CD109: variants seen among roughly 807,000 people sequenced by gnomAD.
The protein encoded by CD109 is CD109 molecule, also known as CD109 antigen.
Under a neutral mutation model 165.8 loss-of-function variants are expected in CD109, and 149 were observed. That is an observed-to-expected ratio of 0.90 (90% CI 0.79 to 1.03). The LOEUF (loss-of-function observed/expected upper bound fraction) is 1.03. CD109 is among the 50% of genes least tolerant of loss of function. CD109 has a pLI of 0.00. For synonymous variants in CD109, 585 were observed against 592.1 expected, an observed-to-expected ratio of 0.99 and a Z score of 0.18; for missense variants, 1,712 against 1,677.8, an observed-to-expected ratio of 1.02 and a Z score of -0.36.
At chr6:73,743,220 C>G (rs993709173) in intron 5 of CD109, among the ~76,000 whole-genome samples, 2 of 152,206 alleles carry the variant, frequency 1.3e-5, no homozygotes, top group African/African-American at 4.8e-5. Context: ...GCACAGCCAG[C>G]TTGGGAACCA....
intron 23 of CD109, among the ~76,000 whole-genome samples, chr6:73,798,158 A>G (rs530886560): frequency 4.8e-5 from 7 of 147,264 alleles, no homozygotes; most frequent in African/African-American, 1.8e-4. Flanking sequence ...TCTGTCATCC[A>G]GTCTGGAGTA....
intron 15 of CD109, among the ~76,000 whole-genome samples, chr6:73,774,426 T>C (rs1223030185): frequency 6.6e-6 from 1 of 152,162 alleles, no homozygotes; most frequent in Non-Finnish European, 1.5e-5. Context: ...TCTTAAACCC[T>C]TGGGGAAAAG....
intron 32 of CD109, among the ~76,000 whole-genome samples, chr6:73,823,217 C>G (rs1197356933): frequency 6.6e-6 from 1 of 152,182 alleles, no homozygotes; most frequent in Non-Finnish European, 1.5e-5. Context: ...TATTTGCTCT[C>G]TTTTAATGCT....
At chr6:73,729,337 T>A (rs778119601) in intron 3 of CD109, among the ~76,000 whole-genome samples, 117 of 116,118 alleles carry the variant, frequency 1.0e-3, no homozygotes, top group Middle Eastern at 4.2e-3. Context: ...CACATCAAAG[T>A]GTGTGTGTGT....
At chr6:73,730,836 G>A (rs1385169798) in intron 4 of CD109, among the ~76,000 whole-genome samples, 1 of 152,140 alleles carries the variant, frequency 6.6e-6, no homozygotes, top group African/African-American at 2.4e-5. Flanking sequence ...TTAAACTTCT[G>A]TGTTCCAGGC....
At chr6:73,705,001 C>T (rs1489206432) in intron 2 of CD109, among the ~76,000 whole-genome samples, 1 of 152,112 alleles carries the variant, frequency 6.6e-6, no homozygotes, top group African/African-American at 2.4e-5. Context: ...CATATTTGGC[C>T]TTTGGAGGGA....
intron 5 of CD109, among the ~76,000 whole-genome samples, chr6:73,745,665 G>A (rs1772957331): frequency 6.6e-6 from 1 of 152,150 alleles, no homozygotes; most frequent in African/African-American, 2.4e-5. Flanking sequence ...TACTATTAAG[G>A]ATTAGGCTGC....
the CD109 span, among the ~76,000 whole-genome samples, chr6:73,680,479 T>C: frequency 1.3e-5 from 2 of 152,164 alleles, no homozygotes; most frequent in African/African-American, 4.8e-5. Flanking sequence ...GTGTGTTCGT[T>C]GTATTTTGTG....
At position 73,736,462 on chromosome 6, in the gene CD109, C is replaced by G; in HGVS notation, c.587C>G (p.Ser196Cys). ...GTCATTTCCAAAACTTTTCAGCTAT[C>G]TTCCCATCCAATACTTGGTGACTGG... Reference protein sequence around the residue: ...LGVISKTFQLSSHPILGDWSI... With the variant: ...LGVISKTFQLCSHPILGDWSI... The change falls in exon 5 of 33, where the codon TCT (serine) becomes TGT (cysteine). Residue 196 changes from serine to cysteine, a missense_variant. Physicochemically the swap from Ser to Cys is moderately radical, Grantham distance 112. Transcript: ENST00000287097. 6.2e-7 allele frequency: 1 copy of G among 1,613,766 alleles called. No individual in the cohort carries two copies. Among genetic ancestry groups the G allele is most frequent in the Non-Finnish European group, 8.5e-7 (1 of 1,179,784 alleles).
chr6:73,813,451 TGTG>T (rs1775822103), intron 29 of CD109, among the ~76,000 whole-genome samples: 2 of 152,054 alleles, frequency 1.3e-5, no homozygotes, highest in African/African-American at 4.8e-5. Flanking sequence ...CAGGGGTAAA[TGTG>T]GTACCTGTTG....
chr6:73,774,183 G>T (rs1217446424), intron 15 of CD109, among the ~76,000 whole-genome samples: 1 of 151,986 alleles, frequency 6.6e-6, no homozygotes, highest in African/African-American at 2.4e-5. Flanking sequence ...CAGTAATTTT[G>T]TGTCACATGC....
chr6:73,770,202 A>G (rs1466113345), intron 14 of CD109, among the ~76,000 whole-genome samples: 1 of 152,230 alleles, frequency 6.6e-6, no homozygotes, highest in Non-Finnish European at 1.5e-5. Context: ...TGAGAAAGAC[A>G]TGCCTGGGTT....
At chr6:73,683,502 C>T in the CD109 span, among the ~76,000 whole-genome samples, 1 of 152,182 alleles carries the variant, frequency 6.6e-6, no homozygotes, top group African/African-American at 2.4e-5. Context: ...AAGTTCCAAA[C>T]GTTCCCACAT....
chr6:73,785,174 G>A (rs1774640611), intron 19 of CD109, among the ~76,000 whole-genome samples, 190 bp from the exon 20 acceptor site: 1 of 152,208 alleles, frequency 6.6e-6, no homozygotes, highest in African/African-American at 2.4e-5. Context: ...ATTATGTTAA[G>A]TAACATAAAT....
chr6:73,808,290 A>G (rs373242086), intron 26 of CD109, 42 bp downstream of exon 26: 1 of 1,566,066 alleles, frequency 6.4e-7, no homozygotes, highest in Non-Finnish European at 8.6e-7. Flanking sequence ...GCTTTATGAA[A>G]TATATAACTT....
intron 5 of CD109, among the ~76,000 whole-genome samples, chr6:73,747,065 T>C (rs933908472): frequency 5.3e-5 from 8 of 152,196 alleles, no homozygotes; most frequent in Non-Finnish European, 1.0e-4. Context: ...TATTCTCTTC[T>C]TTTTAGAGGA....
rs187760359 is a variant in CD109 at position 73,731,149 on chromosome 6, C to T, written c.507+575C>T. Among the ~76,000 whole-genome samples the T allele has an allele frequency of 1.2e-4, 18 of 152,074 alleles. 1 individual carries two copies. In the East Asian group the frequency reaches 3.1e-3, roughly 26 times the overall value. On this transcript the variant is annotated intron_variant, in intron 4 of 32. Coordinates refer to ENST00000287097, the MANE Select transcript of CD109 (RefSeq NM_133493.5). ...GCAACCTCCGCCTCCTTGGTTCAAG[C>T]GATTCTCCTGCCTCAGCCTCCTGAG... is the stretch of plus-strand genomic sequence containing the variant.
intron 30 of CD109, among the ~76,000 whole-genome samples, chr6:73,817,281 A>C (rs1445301960): frequency 6.6e-6 from 1 of 152,176 alleles, no homozygotes; most frequent in East Asian, 1.9e-4. Flanking sequence ...TGAAAGTATA[A>C]TCTGCATTGT....
intron 7 of CD109, among the ~76,000 whole-genome samples, chr6:73,760,515 C>T (rs1773580054): frequency 7.3e-6 from 1 of 137,834 alleles, no homozygotes; most frequent in African/African-American, 2.7e-5. Context: ...AAAATTAATA[C>T]ATAGAAAGAA....
Sources: gnomAD v4.1 joint callset for allele counts (sites outside exome capture counted in the v4.1 genomes callset) on GRCh38, gnomAD v4.1.1 for gene constraint, MANE v1.5 for transcripts, NCBI Gene and HGNC (gene_info 2026-07-23, HGNC 2026-07-21) for gene names.